The following RNF130 variants were observed in gnomAD, a reference collection of about 807,000 sequenced individuals.
RNF130 encodes the protein E3 ubiquitin-protein ligase RNF130.
RNF130 carries 21 observed loss-of-function variants against 44.6 expected under a neutral mutation model. The observed-to-expected ratio is 0.47, with a 90% CI of 0.33 to 0.68. The LOEUF (loss-of-function observed/expected upper bound fraction) is 0.68, where lower values mean the gene tolerates loss of function less well. Among genes scored for constraint, RNF130 ranks in the 30% least tolerant of loss-of-function variants. RNF130 has a pLI of 0.02. For missense variants in RNF130, 479 were observed against 560.6 expected, an observed-to-expected ratio of 0.85 and a Z score of 1.47; for synonymous variants, 214 against 210.4, an observed-to-expected ratio of 1.02 and a Z score of -0.15.
downstream of RNF130, among the ~76,000 whole-genome samples, chr5:179,953,865 T>C (rs1415504015): frequency 6.6e-6 from 1 of 152,158 alleles, no homozygotes; most frequent in Non-Finnish European, 1.5e-5. Context: ...ACCTATCTGA[T>C]AAAGGCCTAG....
At position 180,071,570 on chromosome 5, in the gene RNF130, C is replaced by T; in HGVS notation, c.133G>A (p.Glu45Lys). Residue 45 changes from glutamate to lysine, a missense_variant, in exon 1 of 9, where the codon GAG (glutamate) becomes AAG (lysine). Glu to Lys is a moderately conservative substitution (Grantham distance 56). Transcript: ENST00000521389. The stretch of plus-strand genomic sequence containing the variant: ...GTGAGCGGGGCGCCGCGGCCGGGCT[C>T]CTGCACCGTCACGTTGATGAGCGCC... ...YTALINVTVQEPGRGAPLTFR... is the reference protein window; with the variant it reads ...YTALINVTVQKPGRGAPLTFR... 1 of 1,481,224 alleles carries T rather than the reference C, an allele frequency of 6.8e-7. No individual in the cohort carries two copies. Among genetic ancestry groups the T allele is most frequent in the Non-Finnish European group, 9.0e-7 (1 of 1,111,934 alleles). The allele number at this position is 1,481,224 out of a possible 1,614,324, so 91.8% of individuals were successfully genotyped here.
At chr5:179,993,703 T>C (rs1237023839) in intron 3 of RNF130, among the ~76,000 whole-genome samples, 1 of 152,240 alleles carries the variant, frequency 6.6e-6, no homozygotes, top group Non-Finnish European at 1.5e-5. Context: ...GTAGTTTCTT[T>C]AGCTGTGCAG....
At chr5:180,059,403 G>A (rs1764918486) in intron 1 of RNF130, among the ~76,000 whole-genome samples, 1 of 152,112 alleles carries the variant, frequency 6.6e-6, no homozygotes. Context: ...CCCCAGATAG[G>A]ACACAAGAGC....
intron 3 of RNF130, among the ~76,000 whole-genome samples, chr5:179,995,200 G>GCC (rs1763175510): frequency 6.8e-6 from 1 of 146,154 alleles, no homozygotes. Context: ...TATGGGACCT[G>GCC]CCTCTCTCTC....
chr5:180,068,213 T>C (rs530268369), intron 1 of RNF130, among the ~76,000 whole-genome samples: 3 of 152,200 alleles, frequency 2.0e-5, no homozygotes, highest in Non-Finnish European at 4.4e-5. Flanking sequence ...TGCACACACA[T>C]AAAGCACATT....
intron 7 of RNF130, among the ~76,000 whole-genome samples, chr5:179,947,506 G>A (rs931882651): frequency 2.6e-5 from 4 of 152,326 alleles, no homozygotes; most frequent in South Asian, 2.1e-4. Context: ...AATGGGGTTT[G>A]GAACACAGAC....
intron 3 of RNF130, among the ~76,000 whole-genome samples, chr5:179,999,915 A>G (rs1424925739): frequency 2.0e-5 from 3 of 152,084 alleles, no homozygotes; most frequent in African/African-American, 4.8e-5. Flanking sequence ...GTTGTTTTAT[A>G]TATCCTTTGT....
chr5:180,020,650 G>C (rs1490815863), intron 2 of RNF130, among the ~76,000 whole-genome samples: 1 of 152,144 alleles, frequency 6.6e-6, no homozygotes, highest in Non-Finnish European at 1.5e-5. Flanking sequence ...TACAAGTAGG[G>C]CCAAGGGGCC....
At chr5:179,961,633 G>T (rs1336526161) in intron 8 of RNF130, among the ~76,000 whole-genome samples, 2 of 152,192 alleles carry the variant, frequency 1.3e-5, no homozygotes, top group African/African-American at 4.8e-5. Flanking sequence ...GCTTGTACTG[G>T]TTATCACTCA....
intron 3 of RNF130, among the ~76,000 whole-genome samples, chr5:179,995,047 G>C (rs185076): frequency 0.48 from 72,300 of 152,006 alleles, 18,399 homozygotes; most frequent in African/African-American, 0.68. Flanking sequence ...GTAGCAGGCA[G>C]AAGCACTGGC....
chr5:180,003,964 T>C (rs1763406888), intron 3 of RNF130, among the ~76,000 whole-genome samples: 2 of 152,210 alleles, frequency 1.3e-5, no homozygotes, highest in South Asian at 4.1e-4. Flanking sequence ...TCTAAGCCCT[T>C]CACAAGTACT....
chr5:179,967,279 A>C (rs910985514), intron 6 of RNF130, among the ~76,000 whole-genome samples: 1 of 152,258 alleles, frequency 6.6e-6, no homozygotes, highest in Non-Finnish European at 1.5e-5. Flanking sequence ...GTCATGGCCC[A>C]CAGGCACAGG....
chr5:180,044,562 G>A (rs950654357), intron 1 of RNF130, among the ~76,000 whole-genome samples: 2 of 152,042 alleles, frequency 1.3e-5, no homozygotes, highest in African/African-American at 4.8e-5. Flanking sequence ...GGCCGGGCGC[G>A]GTGGCTCACG....
At chr5:179,976,195 G>A (rs560925384) in intron 5 of RNF130, among the ~76,000 whole-genome samples, 12 of 152,276 alleles carry the variant, frequency 7.9e-5, no homozygotes, top group African/African-American at 1.9e-4. Flanking sequence ...AGATAACTCC[G>A]AATGAAACTG....
At chr5:179,913,305 C>T (rs148789292) in exon 8 of RNF130, 2 of 151,868 alleles carry the variant, frequency 1.3e-5, no homozygotes, top group East Asian at 3.9e-4. Flanking sequence ...AGGCCAGCAG[C>T]ACCGAATCCT....
chr5:179,980,326 G>A (rs539148516), intron 3 of RNF130, 126 bp from the exon 4 acceptor site: 12 of 783,740 alleles, frequency 1.5e-5, no homozygotes, highest in Non-Finnish European at 2.4e-5. Context: ...CTACATATAA[G>A]AGAATGATAA....
chr5:179,939,718 A>G, intron 7 of RNF130: 1 of 452,558 alleles, frequency 2.2e-6, no homozygotes, highest in Non-Finnish European at 4.4e-6. Flanking sequence ...CCACTTCCAA[A>G]AGACGGAAAT....
chr5:179,951,650 G>A (rs1762128370), downstream of RNF130, among the ~76,000 whole-genome samples: 2 of 152,168 alleles, frequency 1.3e-5, no homozygotes, highest in African/African-American at 2.4e-5. Flanking sequence ...CATTCTCCAG[G>A]ATAGACCATG....
rs191635147 is a variant in RNF130 at position 179,985,247 on chromosome 5, G to A, written c.694-5047C>T. On this transcript the variant is annotated intron_variant, in intron 3 of 8. Coordinates refer to ENST00000521389, the MANE Select transcript of RNF130 (RefSeq NM_018434.6). ...TAAATCCTGTGAAATCATGTACTAC[G>A]TCTGGACACAGTTTTCTCCCATAGA... Among the ~76,000 whole-genome samples the A allele has an allele frequency of 2.6e-3, 366 of 138,274 alleles. 2 individuals are homozygous for A. The highest frequency in any genetic ancestry group is 4.1e-3 in the East Asian group (18 of 4,414). The allele number at this position is 138,274 out of a possible 152,430, so 90.7% of individuals were successfully genotyped here.
Sources: allele counts gnomAD v4.1 joint callset (sites outside exome capture counted in the v4.1 genomes callset), GRCh38; gene constraint gnomAD v4.1.1; transcripts MANE v1.5; gene names NCBI Gene and HGNC (gene_info 2026-07-23, HGNC 2026-07-21).